The following KIAA1549L variants were observed in gnomAD, a reference collection of about 807,000 sequenced individuals.
The protein encoded by KIAA1549L is UPF0606 protein KIAA1549L.
In KIAA1549L, 88 loss-of-function variants were observed where a neutral mutation model predicts 160.7. The observed-to-expected ratio is 0.55, with a 90% CI of 0.46 to 0.65. KIAA1549L has a LOEUF of 0.65. Ranked by LOEUF, KIAA1549L falls within the 30% of genes least tolerant of loss-of-function variation. The pLI, the probability that KIAA1549L is intolerant of heterozygous loss-of-function variation, is 0.00. For missense variants in KIAA1549L, 2,258 were observed against 2,437.5 expected, an observed-to-expected ratio of 0.93 and a Z score of 1.55; for synonymous variants, 950 against 976.7, an observed-to-expected ratio of 0.97 and a Z score of 0.51.
chr11:33,571,564 G>A (rs185483660), intron 9 of KIAA1549L, among the ~76,000 whole-genome samples: 224 of 152,304 alleles, frequency 1.5e-3, no homozygotes, highest in Non-Finnish European at 2.4e-3. Flanking sequence ...GGCAGAAGAT[G>A]AAGGCGGAGC....
chr11:33,479,835 G>A (rs555522523), intron 1 of KIAA1549L, among the ~76,000 whole-genome samples: 1 of 152,230 alleles, frequency 6.6e-6, no homozygotes, highest in African/African-American at 2.4e-5. Flanking sequence ...GAAAAGGCAG[G>A]ACTCTCAGGA....
chr11:33,441,155 G>A (rs1426927565), intron 1 of KIAA1549L, among the ~76,000 whole-genome samples: 3 of 149,396 alleles, frequency 2.0e-5, no homozygotes, highest in African/African-American at 5.0e-5. Context: ...CCACCTATGA[G>A]TGAGAACATG....
At chr11:33,447,890 A>C (rs1190828232) in intron 1 of KIAA1549L, among the ~76,000 whole-genome samples, 1 of 152,120 alleles carries the variant, frequency 6.6e-6, no homozygotes, top group Non-Finnish European at 1.5e-5. Flanking sequence ...TATGCAGAAG[A>C]TGCTGCGAGA....
chr11:33,586,203 A>G (rs1274452749), intron 11 of KIAA1549L, among the ~76,000 whole-genome samples: 1 of 152,238 alleles, frequency 6.6e-6, no homozygotes, highest in African/African-American at 2.4e-5. Flanking sequence ...AGTCCTGGGG[A>G]CATCGCTGCA....
At chr11:33,627,192 C>T (rs1042895626) in intron 16 of KIAA1549L, among the ~76,000 whole-genome samples, 5 of 129,782 alleles carry the variant, frequency 3.9e-5, no homozygotes, top group Non-Finnish European at 8.2e-5. Flanking sequence ...CATCAATGTT[C>T]ATCAAGGATA....
intron 1 of KIAA1549L, among the ~76,000 whole-genome samples, chr11:33,477,237 G>T (rs542034765): frequency 6.6e-6 from 1 of 152,174 alleles, no homozygotes; most frequent in African/African-American, 2.4e-5. Flanking sequence ...GCCCGAGGAG[G>T]AGGAGGTGTT....
chr11:33,624,290 A>T lies in KIAA1549L; in HGVS notation c.5409+5628A>T, dbSNP rs746070956. On this transcript the variant is annotated intron_variant, in intron 16 of 20. Coordinates refer to ENST00000658780, the MANE Select transcript of KIAA1549L (RefSeq NM_012194.3). Reference sequence around the variant, plus strand: ...TCCCTGCAAGAGCTGACATCTGAGGACTGACAGCTGGCAGTGTGCCCAGCA... The same window carrying T: ...TCCCTGCAAGAGCTGACATCTGAGGTCTGACAGCTGGCAGTGTGCCCAGCA... Among the ~76,000 whole-genome samples the T allele has an allele frequency of 1.4e-4, 22 of 152,336 alleles. No homozygotes were observed. In the Middle Eastern group the frequency reaches 0.014, roughly 94 times the overall value.
intron 16 of KIAA1549L, among the ~76,000 whole-genome samples, chr11:33,619,032 C>T (rs1027007362): frequency 3.3e-5 from 5 of 152,086 alleles, no homozygotes; most frequent in African/African-American, 4.8e-5. Context: ...TAATTCATAG[C>T]GATATTGAAA....
intron 1 of KIAA1549L, among the ~76,000 whole-genome samples, chr11:33,508,932 G>A (rs1853159761): frequency 6.6e-6 from 1 of 152,186 alleles, no homozygotes; most frequent in African/African-American, 2.4e-5. Context: ...ATATGGGCCT[G>A]ATGGCTTCCT....
At chr11:33,456,430 A>G (rs1412644146) in intron 1 of KIAA1549L, among the ~76,000 whole-genome samples, 2 of 151,958 alleles carry the variant, frequency 1.3e-5, no homozygotes, top group Non-Finnish European at 2.9e-5. Flanking sequence ...TGTTTTTGTG[A>G]GACAGGGTCT....
intron 1 of KIAA1549L, among the ~76,000 whole-genome samples, chr11:33,402,338 T>G (rs71480907): frequency 0.015 from 2,351 of 152,312 alleles, 30 homozygotes; most frequent in Middle Eastern, 0.082. Flanking sequence ...CTGTCAGTTC[T>G]GTCTCCTTAA....
chr11:33,431,391 G>A (rs1213298121), intron 1 of KIAA1549L, among the ~76,000 whole-genome samples: 2 of 151,558 alleles, frequency 1.3e-5, no homozygotes, highest in African/African-American at 4.8e-5. Flanking sequence ...ACAGGGCGCT[G>A]ATTGGTGTGT....
intron 1 of KIAA1549L, among the ~76,000 whole-genome samples, chr11:33,515,619 A>G (rs1853326447): frequency 6.6e-6 from 1 of 152,228 alleles, no homozygotes; most frequent in African/African-American, 2.4e-5. Flanking sequence ...TTGATTCATC[A>G]GGTGTGGAAA....
Position 33,672,854 on chromosome 11 carries a change from T to G in KIAA1549L, c.*4700T>G, listed in dbSNP as rs1852706295. 6.5e-6 allele frequency: 1 copy of G among 153,818 alleles called. No homozygotes were observed. The highest frequency in any genetic ancestry group is 1.5e-5 in the Non-Finnish European group (1 of 68,052). The allele number at this position is 153,818 out of a possible 1,614,324, so 9.5% of individuals were successfully genotyped here. A position where few individuals can be genotyped will look rare whatever the true frequency, so the allele number is the denominator to read the frequency against. On this transcript the variant is annotated 3_prime_UTR_variant, in exon 21 of 21. Transcript: ENST00000658780. ...GACAATAAATACTTGTAAATTGAAT[T>G]GCATGATCTTAGCTCAGGTGCTACT...
intron 10 of KIAA1549L, among the ~76,000 whole-genome samples, chr11:33,582,039 C>T (rs1304440999): frequency 6.6e-6 from 1 of 152,168 alleles, no homozygotes; most frequent in Non-Finnish European, 1.5e-5. Context: ...AGATATTTTT[C>T]ACAGAAGCTA....
intron 13 of KIAA1549L, among the ~76,000 whole-genome samples, chr11:33,604,651 G>A (rs780253077): frequency 3.3e-5 from 5 of 152,180 alleles, no homozygotes; most frequent in Non-Finnish European, 7.3e-5. Flanking sequence ...GTCTTTTGCA[G>A]CAACTTGGAT....
chr11:33,524,894 C>G (rs1227668297), intron 1 of KIAA1549L, among the ~76,000 whole-genome samples: 1 of 152,174 alleles, frequency 6.6e-6, no homozygotes, highest in Admixed American at 6.5e-5. Flanking sequence ...AATGCAGAAG[C>G]ATAGTCCGTC....
intron 11 of KIAA1549L, among the ~76,000 whole-genome samples, chr11:33,584,662 G>A (rs552373412): frequency 9.2e-5 from 14 of 152,338 alleles, no homozygotes; most frequent in African/African-American, 2.6e-4. Flanking sequence ...GAGGTAGCTC[G>A]TAGTCAGGGA....
chr11:33,655,591 G>A (rs922090864), intron 17 of KIAA1549L, among the ~76,000 whole-genome samples: 8 of 152,200 alleles, frequency 5.3e-5, no homozygotes, highest in African/African-American at 1.4e-4. Context: ...CTAGTTGGTG[G>A]CAGATCGTAA....
Sources: gnomAD v4.1 joint callset for allele counts (sites outside exome capture counted in the v4.1 genomes callset) on GRCh38, gnomAD v4.1.1 for gene constraint, MANE v1.5 for transcripts, NCBI Gene and HGNC (gene_info 2026-07-23, HGNC 2026-07-21) for gene names.